ZC3H15: variants seen among roughly 807,000 people sequenced by gnomAD.
ZC3H15 encodes the protein zinc finger CCCH-type containing 15.
Under a neutral mutation model 51.2 loss-of-function variants are expected in ZC3H15, and 15 were observed. The observed-to-expected ratio is 0.29, with a 90% CI of 0.20 to 0.45. The LOEUF (loss-of-function observed/expected upper bound fraction) is 0.45. Ranked by LOEUF, ZC3H15 falls within the 20% of genes least tolerant of loss-of-function variation. The pLI, the probability that ZC3H15 is intolerant of heterozygous loss-of-function variation, is 1.00. For synonymous variants in ZC3H15, 144 were observed against 162.8 expected, an observed-to-expected ratio of 0.88 and a Z score of 0.88; for missense variants, 381 against 494.7, an observed-to-expected ratio of 0.77 and a Z score of 2.18.
chr2:186,503,464 C>T (rs987913310), intron 5 of ZC3H15, among the ~76,000 whole-genome samples: 2 of 152,170 alleles, frequency 1.3e-5, no homozygotes, highest in Admixed American at 6.5e-5. Context: ...GCAACCTCTG[C>T]TTTCCGGGTT....
chr2:186,506,232 A>T (rs1025746932), intron 8 of ZC3H15: 40 of 316,600 alleles, frequency 1.3e-4, no homozygotes, highest in African/African-American at 8.5e-4. Flanking sequence ...ACTGCAGTGT[A>T]GGGAGCATGA....
chr2:186,495,230 T>C lies in ZC3H15; in HGVS notation c.76-3T>C. 6.5e-7 allele frequency: 1 copy of C among 1,537,520 alleles called. No homozygotes were observed. Among genetic ancestry groups the C allele is most frequent in the Non-Finnish European group, 8.7e-7 (1 of 1,147,490 alleles). On this transcript the variant is annotated splice_polypyrimidine_tract_variant and splice_region_variant and intron_variant, in intron 1 of 9. Transcript: ENST00000337859. Reference sequence around the variant, plus strand: ...AGATATTTCTGTGCTCTTTCTCATGTAGGACAAAACTTTCGGTTTGAAGAA... The same window carrying C: ...AGATATTTCTGTGCTCTTTCTCATGCAGGACAAAACTTTCGGTTTGAAGAA...
In ZC3H15 at chr2:186,506,691, T is replaced by G. The variant is rs551252470; in HGVS notation, c.967-22T>G. On this transcript the variant is annotated intron_variant, in intron 8 of 9. Transcript: ENST00000337859. ...AAACTGTTCTTATTTGTAACAACTT[T>G]CTTTTCTATATGTTGTTAAAGGTTG... 6 of 1,587,688 alleles carry G rather than the reference T, an allele frequency of 3.8e-6. No homozygotes were observed. The African/African-American group carries it at 8.2e-5, about 22-fold the overall frequency.
At chr2:186,500,114 G>A in intron 2 of ZC3H15, 68 bp from the exon 3 acceptor site, 1 of 1,359,970 alleles carries the variant, frequency 7.4e-7, no homozygotes, top group Admixed American at 2.3e-5. Context: ...TTATGGTAAT[G>A]CTAACTTTGT....
chr2:186,504,350 C>G, intron 6 of ZC3H15, 136 bp downstream of exon 6: 1 of 694,696 alleles, frequency 1.4e-6, no homozygotes, highest in Admixed American at 3.9e-5. Flanking sequence ...AGTTGCCCTA[C>G]TTTAATTATT....
In ZC3H15 at chr2:186,506,697, C is replaced by A; in HGVS notation, c.967-16C>A. ...TTCTTATTTGTAACAACTTTCTTTT[C>A]TATATGTTGTTAAAGGTTGATGATT... On this transcript the variant is annotated splice_polypyrimidine_tract_variant and intron_variant, in intron 8 of 9. Transcript: ENST00000337859. 6.3e-7 allele frequency: 1 copy of A among 1,592,808 alleles called. No individual in the cohort carries two copies. The highest frequency in any genetic ancestry group is 1.1e-5 in the South Asian group (1 of 88,534).
chr2:186,502,983 T>C (rs1168787539), intron 5 of ZC3H15, among the ~76,000 whole-genome samples: 1 of 152,206 alleles, frequency 6.6e-6, no homozygotes, highest in African/African-American at 2.4e-5. Flanking sequence ...TTTTAAGGTT[T>C]AAAATATTTC....
In ZC3H15 at chr2:186,493,414, G is replaced by T. The variant is rs1256859715; in HGVS notation, c.76-1819G>T. Among the ~76,000 whole-genome samples the T allele has an allele frequency of 2.6e-5, 4 of 152,178 alleles. No homozygotes were observed. In the East Asian group the frequency reaches 7.8e-4, roughly 30 times the overall value. On this transcript the variant is annotated intron_variant, in intron 1 of 9. Coordinates refer to ENST00000337859, the MANE Select transcript of ZC3H15 (RefSeq NM_018471.3). ...CCCCTTCTACCTGCTCTTTTCTCTT[G>T]TTTACAGTTAGACTTATTGCCCTCC...
chr2:186,505,150 A>C (rs1685448263), intron 6 of ZC3H15: 1 of 163,432 alleles, frequency 6.1e-6, no homozygotes. Flanking sequence ...GGTGCTTTTT[A>C]TAATATATTT....
intron 3 of ZC3H15, 83 bp from the exon 4 acceptor site, chr2:186,501,190 C>G (rs1685376984): frequency 7.1e-7 from 1 of 1,407,090 alleles, no homozygotes; most frequent in Non-Finnish European, 9.4e-7. Context: ...ATAAGTTAAC[C>G]AAAATTCATC....
intron 8 of ZC3H15, 97 bp from the exon 9 acceptor site, chr2:186,506,616 T>G (rs188387592): frequency 1.8e-5 from 25 of 1,364,974 alleles, no homozygotes; most frequent in Non-Finnish European, 1.5e-5. Context: ...TGTTTTCACT[T>G]GGATCAGTGA....
rs1685452567 is a variant in ZC3H15, at chr2:186,505,493, T to G, written c.760T>G (p.Ser254Ala). The change falls in exon 7 of 10, where the codon TCT becomes GCT. Residue 254 changes from serine to alanine, a missense_variant. Physicochemically the swap from Ser to Ala is moderately conservative, Grantham distance 99 (BLOSUM62 1). This residue lies in a region of ZC3H15 where 215 missense variants were observed against 241.8 expected (regional missense o/e 0.89). Transcript: ENST00000337859. ...GPNVTKITLE[S>A]FLAWKKRKRQ... ...AAATGTTACCAAAATCACTCTAGAA[T>G]CTTTTCTTGCCTGGAAGAAAAGGAA... 6.3e-7 allele frequency: 1 copy of G among 1,589,748 alleles called. No homozygotes were observed. The highest frequency in any genetic ancestry group is 8.5e-7 in the Non-Finnish European group (1 of 1,172,178).
intron 9 of ZC3H15, 59 bp downstream of exon 9, chr2:186,506,895 T>C: frequency 6.4e-7 from 1 of 1,552,390 alleles, no homozygotes; most frequent in Non-Finnish European, 8.7e-7. Context: ...AAGGGGGTTA[T>C]ACCAGGCTTG....
intron 1 of ZC3H15, among the ~76,000 whole-genome samples, chr2:186,492,965 A>C (rs991264392): frequency 2.6e-5 from 4 of 152,164 alleles, no homozygotes; most frequent in Non-Finnish European, 4.4e-5. Flanking sequence ...TTCTATTTTG[A>C]AATTAGAAGA....
At chr2:186,493,134 C>T (rs1487397537) in intron 1 of ZC3H15, among the ~76,000 whole-genome samples, 1 of 144,582 alleles carries the variant, frequency 6.9e-6, no homozygotes, top group Non-Finnish European at 1.5e-5. Context: ...AAAAAAAAAA[C>T]TCAACAATGG....
rs1239097662 is a variant in ZC3H15 at position 186,486,353 on chromosome 2, T to C, written c.-30T>C. ...ACCCCTGACGGTATTCAGCTGCGCG[T>C]AAGTCTGGCCGGTGCCATCTGTCTC... is the stretch of plus-strand genomic sequence containing the variant. On this transcript the variant is annotated 5_prime_UTR_variant, in exon 1 of 10. Transcript: ENST00000337859. 2.0e-6 allele frequency: 3 copies of C among 1,522,390 alleles called. No individual in the cohort carries two copies. The Admixed American group carries it at 6.2e-5, about 31-fold the overall frequency. The allele number at this position is 1,522,390 out of a possible 1,614,324, so 94.3% of individuals were successfully genotyped here.
intron 1 of ZC3H15, among the ~76,000 whole-genome samples, chr2:186,491,555 A>G (rs1685199557): frequency 6.6e-6 from 1 of 152,154 alleles, no homozygotes; most frequent in South Asian, 2.1e-4. Flanking sequence ...TTTAACTTTC[A>G]CAACAACCCT....
At chr2:186,489,270 TGTTAA>T (rs1285446858) in intron 1 of ZC3H15, among the ~76,000 whole-genome samples, 1 of 152,238 alleles carries the variant, frequency 6.6e-6, no homozygotes, top group African/African-American at 2.4e-5. Context: ...TGAATTGTAG[TGTTAA>T]GTTACAGCAT....
chr2:186,505,422 G>GA (rs747576646), intron 6 of ZC3H15, 29 bp from the exon 7 acceptor site: 7 of 1,512,264 alleles, frequency 4.6e-6, no homozygotes, highest in East Asian at 4.6e-5. Flanking sequence ...GACTTCTGTG[G>GA]AAAAAAAATT....
Sources: gnomAD v4.1 joint callset for allele counts (sites outside exome capture counted in the v4.1 genomes callset) on GRCh38, gnomAD v4.1.1 for gene constraint, gnomAD v4.1.1 regional missense constraint, MANE v1.5 for transcripts, NCBI Gene and HGNC (gene_info 2026-07-23, HGNC 2026-07-21) for gene names.